SMNDC1: variants seen among roughly 807,000 people sequenced by gnomAD.
The protein encoded by SMNDC1 is survival of motor neuron-related-splicing factor 30.
In SMNDC1, 5 loss-of-function variants were observed where a neutral mutation model predicts 29.2. That is an observed-to-expected ratio of 0.17 (90% confidence interval 0.09 to 0.36). The LOEUF is 0.36. Among genes scored for constraint, SMNDC1 ranks in the 10% least tolerant of loss-of-function variants. The pLI is 1.00. For synonymous variants in SMNDC1, 80 were observed against 89.9 expected (o/e 0.89, Z 0.62); for missense variants, 142 against 268.5 (o/e 0.53, Z 3.29).
chr10:110,295,233 C>CTTT lies in SMNDC1; in HGVS notation c.571_573dup (p.Lys191dup). 6.3e-7 allele frequency: 1 copy of CTTT among 1,587,116 alleles called. No homozygotes were observed. The highest frequency in any genetic ancestry group is 8.5e-7 in the Non-Finnish European group (1 of 1,172,864). ...GTGTAAAAAGATTTACCAACCTGGC[C>CTTT]TTTTTTGTTTTTAGAATAGGCTCTG... On this transcript the variant is annotated inframe_insertion, in exon 5 of 6. Coordinates refer to ENST00000369603, the MANE Select transcript of SMNDC1 (RefSeq NM_005871.4).
rs745612239 is a variant in SMNDC1 at position 110,291,543 on chromosome 10, T to C, written c.*2607A>G. Reference sequence around the variant, plus strand: ...TCACCACTGCCACTCTGCAGAGTAATAGCAGACGCTTCTATAGTGCTTATG... The same window carrying C: ...TCACCACTGCCACTCTGCAGAGTAACAGCAGACGCTTCTATAGTGCTTATG... On this transcript the variant is annotated 3_prime_UTR_variant, in exon 6 of 6. Transcript: ENST00000369603. The C allele has an allele frequency of 1.3e-5, 2 of 152,238 alleles. No homozygotes were observed. The highest frequency in any genetic ancestry group is 1.9e-4 in the East Asian group (1 of 5,194). The allele number at this position is 152,238 out of a possible 1,614,324, so 9.4% of individuals were successfully genotyped here.
intron 1 of SMNDC1, 67 bp from the exon 2 acceptor site, chr10:110,303,654 C>T (rs1410476987): frequency 2.0e-6 from 3 of 1,489,000 alleles, no homozygotes; most frequent in African/African-American, 1.5e-5. Context: ...AAAACTAACT[C>T]CCCTGTCTGC....
rs1392003909 is a variant in SMNDC1 at position 110,292,728 on chromosome 10, A to C, written c.*1422T>G. The C allele has an allele frequency of 6.6e-6, 1 of 152,048 alleles. No individual in the cohort carries two copies. Among genetic ancestry groups the C allele is most frequent in the Non-Finnish European group, 1.5e-5 (1 of 67,986 alleles). The allele number at this position is 152,048 out of a possible 1,614,324, so 9.4% of individuals were successfully genotyped here. ...TGAGAGGGGTGGGTGTGGAAGGGAG[A>C]GATGAAGAATTCTACCTACCACTGT... On this transcript the variant is annotated 3_prime_UTR_variant, in exon 6 of 6. Coordinates refer to ENST00000369603, the MANE Select transcript of SMNDC1 (RefSeq NM_005871.4).
chr10:110,292,390 C>T lies in SMNDC1; in HGVS notation c.*1760G>A, dbSNP rs1031424683. The T allele has an allele frequency of 1.3e-5, 2 of 152,046 alleles. No homozygotes were observed. The highest frequency in any genetic ancestry group is 4.8e-5 in the African/African-American group (2 of 41,404). The allele number at this position is 152,046 out of a possible 1,614,324, so 9.4% of individuals were successfully genotyped here. A position where few individuals can be genotyped will look rare whatever the true frequency, so the allele number is the denominator to read the frequency against. ...AAAGAGGGACAAGACTGTTAACAGT[C>T]CTGCCTACACAAACATCAAGTGAAT... On this transcript the variant is annotated 3_prime_UTR_variant, in exon 6 of 6. Coordinates refer to ENST00000369603, the MANE Select transcript of SMNDC1 (RefSeq NM_005871.4).
chr10:110,302,069 T>C lies in SMNDC1; in HGVS notation c.120+1399A>G, dbSNP rs556424732. Among the ~76,000 whole-genome samples the C allele has an allele frequency of 1.2e-4, 18 of 152,334 alleles. No homozygotes were observed. In the Middle Eastern group the frequency reaches 0.024, roughly 202 times the overall value. Reference sequence around the variant, plus strand: ...GTGTTTTCTTTTCCTAAAAAAGGACTGCTTAAGTTGGTAAAGGTAGTCAAG... The same window carrying C: ...GTGTTTTCTTTTCCTAAAAAAGGACCGCTTAAGTTGGTAAAGGTAGTCAAG... On this transcript the variant is annotated intron_variant, in intron 2 of 5. Coordinates refer to ENST00000369603, the MANE Select transcript of SMNDC1 (RefSeq NM_005871.4).
At position 110,295,515 on chromosome 10, in the gene SMNDC1, T is replaced by C. The variant is rs943453998; in HGVS notation, c.426-134A>G. The C allele has an allele frequency of 1.0e-4, 59 of 577,908 alleles. 1 individual carries two copies. The highest frequency in any genetic ancestry group is 8.0e-4 in the African/African-American group (41 of 51,072). The allele number at this position is 577,908 out of a possible 1,614,324, so 35.8% of individuals were successfully genotyped here. A position where few individuals can be genotyped will look rare whatever the true frequency, so the allele number is the denominator to read the frequency against. ...TCTATGAATAAAAAGTACTAAATCA[T>C]TAAAATCAGTACCAATCACCCAGAA... On this transcript the variant is annotated intron_variant, in intron 4 of 5. Coordinates refer to ENST00000369603, the MANE Select transcript of SMNDC1 (RefSeq NM_005871.4).
At chr10:110,299,781 T>G in intron 2 of SMNDC1, among the ~76,000 whole-genome samples, 1 of 152,208 alleles carries the variant, frequency 6.6e-6, no homozygotes, top group East Asian at 1.9e-4. Context: ...TAATTTTGAT[T>G]CCAGTAGCCA....
Position 110,296,413 on chromosome 10 carries a change from AATTTT to A in SMNDC1, c.426-1037_426-1033del, listed in dbSNP as rs1339328811. On this transcript the variant is annotated intron_variant, in intron 4 of 5. Coordinates refer to ENST00000369603, the MANE Select transcript of SMNDC1 (RefSeq NM_005871.4). ...AAAATATATATATACATTGTTCTAG[AATTTT>A]ATTTTATTGGAATGCTTACATTAAT... 3.3e-5 allele frequency among the ~76,000 whole-genome samples: 5 copies of A among 152,302 alleles called. No individual in the cohort carries two copies. In the South Asian group the frequency reaches 6.2e-4, roughly 19 times the overall value.
chr10:110,301,001 G>A (rs1857637784), intron 2 of SMNDC1, among the ~76,000 whole-genome samples: 1 of 152,136 alleles, frequency 6.6e-6, no homozygotes, highest in Admixed American at 6.5e-5. Context: ...AACCTTACTG[G>A]CAAAATGAAG....
rs11559268 is a variant in SMNDC1, at chr10:110,304,873, G to C, written c.-126C>G. The C allele has an allele frequency of 6.5e-6, 1 of 152,872 alleles. No individual in the cohort carries two copies. The highest frequency in any genetic ancestry group is 6.5e-5 in the Admixed American group (1 of 15,286). The allele number at this position is 152,872 out of a possible 1,614,324, so 9.5% of individuals were successfully genotyped here. The stretch of plus-strand genomic sequence containing the variant: ...CACCGCGACGACAGCAAGGCGACCC[G>C]GTCTGAAAAGGAAGAACTCGGTCGG... On this transcript the variant is annotated 5_prime_UTR_variant, in exon 1 of 6. Coordinates refer to ENST00000369603, the MANE Select transcript of SMNDC1 (RefSeq NM_005871.4).
Position 110,295,386 on chromosome 10 carries a change from A to G in SMNDC1, c.426-5T>C, listed in dbSNP as rs1857550240. The G allele has an allele frequency of 1.3e-6, 2 of 1,577,244 alleles. No individual in the cohort carries two copies. Among genetic ancestry groups the G allele is most frequent in the East Asian group, 2.3e-5 (1 of 44,358 alleles). On this transcript the variant is annotated splice_region_variant and splice_polypyrimidine_tract_variant and intron_variant, in intron 4 of 5. Coordinates refer to ENST00000369603, the MANE Select transcript of SMNDC1 (RefSeq NM_005871.4). ...TGCTGGGCAATCATTTCTTTTCTGC[A>G]TGAAAAAAAGTTAAATGTCAACTGT...
intron 3 of SMNDC1, 49 bp downstream of exon 3, chr10:110,298,599 G>A: frequency 6.8e-7 from 1 of 1,478,498 alleles, no homozygotes; most frequent in Non-Finnish European, 9.3e-7. Context: ...TCTTACCATT[G>A]TATTTTATTA....
chr10:110,293,201 C>T lies in SMNDC1; in HGVS notation c.*949G>A. The T allele has an allele frequency of 6.6e-6, 1 of 152,546 alleles. No individual in the cohort carries two copies. Among genetic ancestry groups the T allele is most frequent in the East Asian group, 1.9e-4 (1 of 5,192 alleles). 9.4% of individuals were successfully genotyped at this position (152,546 alleles called of 1,614,324 possible). On this transcript the variant is annotated 3_prime_UTR_variant, in exon 6 of 6. Transcript: ENST00000369603. ...ATAACTGTGATGATGTTCACTTACA[C>T]CAACAAATGCAGACAACCTGATCTA...
intron 4 of SMNDC1, among the ~76,000 whole-genome samples, chr10:110,296,734 G>A (rs1213133705): frequency 1.3e-5 from 2 of 152,026 alleles, no homozygotes; most frequent in Non-Finnish European, 2.9e-5. Context: ...AATGTTATCG[G>A]TGGCTTACAA....
At chr10:110,298,881 G>A (rs1027355659) in intron 2 of SMNDC1, 91 bp from the exon 3 acceptor site, 26 of 902,888 alleles carry the variant, frequency 2.9e-5, no homozygotes, top group Non-Finnish European at 3.9e-5. Flanking sequence ...TGTACGTTAA[G>A]TACTCTACAT....
At chr10:110,301,253 G>A (rs910919501) in intron 2 of SMNDC1, among the ~76,000 whole-genome samples, 1 of 143,332 alleles carries the variant, frequency 7.0e-6, no homozygotes, top group East Asian at 1.9e-4. Flanking sequence ...GGAAAAAGGA[G>A]GGGAATGAGG....
At chr10:110,295,744 A>C (rs1020585606) in intron 4 of SMNDC1, among the ~76,000 whole-genome samples, 21 of 151,636 alleles carry the variant, frequency 1.4e-4, no homozygotes, top group African/African-American at 5.1e-4. Flanking sequence ...TGGGTTCAAG[A>C]GATTCTTGTG....
In SMNDC1 at chr10:110,298,747, G is replaced by A. The variant is rs757286563; in HGVS notation, c.164C>T (p.Ser55Phe). 3.1e-6 allele frequency: 5 copies of A among 1,613,718 alleles called. No individual in the cohort carries two copies. Among genetic ancestry groups the A allele is most frequent in the East Asian group, 4.5e-5 (2 of 44,842 alleles). The change falls in exon 3 of 6, where the codon TCT becomes TTT. Residue 55 changes from serine to phenylalanine, a missense_variant. By Grantham distance (155) the Ser-to-Phe change is radical. This residue lies in a region of SMNDC1 where 65 missense variants were observed against 75.9 expected (regional missense o/e 0.86). Coordinates refer to ENST00000369603, the MANE Select transcript of SMNDC1 (RefSeq NM_005871.4). The stretch of plus-strand genomic sequence containing the variant: ...ACTGTCTGAACTTGCAAGCGTCTCA[G>A]AAGGTTGAGTTGACAGAAGGTCTTT... ...LTKDLLSTQP[S>F]ETLASSDSFA...
In SMNDC1 at chr10:110,304,741, T is replaced by A. The variant is rs1028750480; in HGVS notation, c.-1+7A>T. On this transcript the variant is annotated splice_region_variant and intron_variant, in intron 1 of 5. Transcript: ENST00000369603. Reference sequence around the variant, plus strand: ...GGCCTTACTCTCTCCCTCAGGGGGGTTGTTACCTTGTGTGGGGCTGGGGGC... The same window carrying A: ...GGCCTTACTCTCTCCCTCAGGGGGGATGTTACCTTGTGTGGGGCTGGGGGC... 2.0e-5 allele frequency: 3 copies of A among 151,352 alleles called. No homozygotes were observed. The highest frequency in any genetic ancestry group is 4.4e-5 in the Non-Finnish European group (3 of 68,026). The allele number at this position is 151,352 out of a possible 1,614,324, so 9.4% of individuals were successfully genotyped here.
Sources: gnomAD v4.1 joint callset for allele counts (sites outside exome capture counted in the v4.1 genomes callset) on GRCh38, gnomAD v4.1.1 for gene constraint, gnomAD v4.1.1 regional missense constraint, MANE v1.5 for transcripts, NCBI Gene and HGNC (gene_info 2026-07-23, HGNC 2026-07-21) for gene names.